The following DGKH variants were observed in gnomAD, a reference collection of about 807,000 sequenced individuals.
The protein encoded by DGKH is diacylglycerol kinase eta.
Under a neutral mutation model 159.3 loss-of-function variants are expected in DGKH, and 90 were observed. The ratio of observed to expected loss-of-function variants is 0.57; its 90% CI spans 0.48 to 0.67. The LOEUF is 0.67. DGKH is among the 30% of genes least tolerant of loss of function. DGKH has a pLI of 0.00. For missense variants in DGKH, 1,181 were observed against 1,506.1 expected, an observed-to-expected ratio of 0.78 and a Z score of 3.57; for synonymous variants, 536 against 553.8, an observed-to-expected ratio of 0.97 and a Z score of 0.45.
intron 9 of DGKH, among the ~76,000 whole-genome samples, chr13:42,167,738 G>A (rs144893869): frequency 1.3e-4 from 19 of 151,916 alleles, no homozygotes; most frequent in Non-Finnish European, 2.2e-4. Flanking sequence ...TTTCTAACAC[G>A]TCCATTTTAT....
chr13:42,151,160 A>G (rs1398904338), intron 3 of DGKH, among the ~76,000 whole-genome samples: 2 of 152,174 alleles, frequency 1.3e-5, no homozygotes, highest in Non-Finnish European at 2.9e-5. Flanking sequence ...TAGAGGGTAC[A>G]GGAGCAGCTT....
Position 42,070,284 on chromosome 13 carries a change from A to T in DGKH, c.192+21319A>T, listed in dbSNP as rs561205479. The T allele has an allele frequency of 3.2e-6, 4 of 1,242,586 alleles. No individual in the cohort carries two copies. In the South Asian group the frequency reaches 4.8e-5, roughly 15 times the overall value. 77.0% of individuals were successfully genotyped at this position (1,242,586 alleles called of 1,614,324 possible). The stretch of plus-strand genomic sequence containing the variant: ...AAGGTTTGTGTGGCTCAGTCATGTG[A>T]TTTCTAATGTAAACTGGAATTACGC... On this transcript the variant is annotated intron_variant, in intron 1 of 29. Transcript: ENST00000337343.
chr13:42,053,360 A>T (rs960084522), intron 1 of DGKH, among the ~76,000 whole-genome samples: 1 of 148,032 alleles, frequency 6.8e-6, no homozygotes, highest in African/African-American at 2.5e-5. Flanking sequence ...AATTATATAT[A>T]TAACTATATA....
intron 13 of DGKH, among the ~76,000 whole-genome samples, chr13:42,179,780 CAAA>C (rs3039209): frequency 3.1e-5 from 4 of 129,430 alleles, no homozygotes; most frequent in Admixed American, 7.7e-5. Flanking sequence ...GATCTTGTCT[CAAA>C]AAAAAAAAAA....
In DGKH at chr13:42,191,435, C is replaced by T. The variant is rs1350290390; in HGVS notation, c.2035+910C>T. On this transcript the variant is annotated intron_variant, in intron 16 of 29. Transcript: ENST00000337343. ...TTGATGATATCAATCATACCCCAAACCTCCGCATCACTCAATATACTCAGA... is the reference window on the plus strand; with the variant it reads ...TTGATGATATCAATCATACCCCAAATCTCCGCATCACTCAATATACTCAGA... Among the ~76,000 whole-genome samples the T allele has an allele frequency of 5.3e-5, 8 of 152,134 alleles. No individual in the cohort carries two copies. The East Asian group carries it at 5.8e-4, about 11-fold the overall frequency.
Position 42,187,077 on chromosome 13 carries a change from G to A in DGKH, c.1567G>A (p.Val523Ile), listed in dbSNP as rs764187776. 2.5e-5 allele frequency: 40 copies of A among 1,613,874 alleles called. No individual in the cohort carries two copies. The highest frequency in any genetic ancestry group is 8.3e-5 in the Admixed American group (5 of 59,992). ...KTLCETVKDF[V>I]AKVEKTYDKT... ...GCTATGTGAAACTGTAAAGGACTTC[G>A]TTGCCAAAGTAGAAAAGACGTATGA... Residue 523 changes from valine to isoleucine, a missense_variant, in exon 14 of 30, where the codon GTT becomes ATT. Val to Ile is a conservative substitution (Grantham distance 29). This residue lies in a region of DGKH where 257 missense variants were observed against 281.5 expected (regional missense o/e 0.91). Transcript: ENST00000337343.
intron 23 of DGKH, among the ~76,000 whole-genome samples, chr13:42,210,168 TTTTTTG>T (rs1444275703): frequency 7.2e-5 from 11 of 151,916 alleles, no homozygotes; most frequent in Non-Finnish European, 1.6e-4. Context: ...CATGAAATAT[TTTTTTG>T]TTTTTGTTTT....
At chr13:42,200,889 A>G (rs188400174) in intron 20 of DGKH, among the ~76,000 whole-genome samples, 19 of 152,330 alleles carry the variant, frequency 1.2e-4, no homozygotes, top group Non-Finnish European at 2.5e-4. Context: ...TGTAAATGCT[A>G]TCCTTGACAC....
intron 3 of DGKH, among the ~76,000 whole-genome samples, chr13:42,145,627 A>G (rs954799319): frequency 6.6e-6 from 1 of 152,216 alleles, no homozygotes; most frequent in Admixed American, 6.5e-5. Context: ...GGCCCTTGAC[A>G]TCAGGACTTG....
intron 3 of DGKH, among the ~76,000 whole-genome samples, chr13:42,142,046 T>C (rs1214264984): frequency 3.0e-4 from 46 of 151,794 alleles, no homozygotes; most frequent in Middle Eastern, 3.4e-3. Context: ...ATTTAAGTCT[T>C]TAATCCATCT....
At chr13:42,069,060 G>C in intron 1 of DGKH, 1 of 1,420,312 alleles carries the variant, frequency 7.0e-7, no homozygotes, top group Middle Eastern at 2.5e-4. Context: ...GAAACTGCGG[G>C]ATGCCTATTG....
chr13:42,063,114 A>G (rs2137671476), intron 1 of DGKH, among the ~76,000 whole-genome samples: 1 of 152,176 alleles, frequency 6.6e-6, no homozygotes, highest in East Asian at 1.9e-4. Context: ...TGTTGACTTC[A>G]TGGACCTTTG....
At position 42,048,863 on chromosome 13, in the gene DGKH, C is replaced by T; in HGVS notation, c.90C>T (p.Ala30=). 7.3e-7 allele frequency: 1 copy of T among 1,373,312 alleles called. No homozygotes were observed. The allele number at this position is 1,373,312 out of a possible 1,614,324, so 85.1% of individuals were successfully genotyped here. The change falls in exon 1 of 30, where the codon GCC becomes GCT. Residue 30 remains alanine, a synonymous_variant. Coordinates refer to ENST00000337343, the MANE Select transcript of DGKH (RefSeq NM_178009.5). The surrounding 1 kb of genome is among the most constrained non-coding windows in gnomAD (Gnocchi z 6.7). ...GAGAAVTSAA[A]SAGPGEDSSD... Reference sequence around the variant, plus strand: ...GCGCCGCGGTCACCTCCGCCGCTGCCTCGGCGGGGCCGGGAGAGGATTCGT... The same window carrying T: ...GCGCCGCGGTCACCTCCGCCGCTGCTTCGGCGGGGCCGGGAGAGGATTCGT...
upstream of DGKH, among the ~76,000 whole-genome samples, chr13:42,044,713 G>GA (rs1880708387): frequency 6.6e-6 from 1 of 152,186 alleles, no homozygotes; most frequent in Admixed American, 6.5e-5. Context: ...GCATTCTGGG[G>GA]AAGTCATTGG....
chr13:42,214,278 A>G (rs1957734273), intron 24 of DGKH, among the ~76,000 whole-genome samples: 1 of 152,120 alleles, frequency 6.6e-6, no homozygotes, highest in African/African-American at 2.4e-5. Context: ...TCTGATTTTT[A>G]AGCCTAATTT....
At chr13:42,141,396 A>T (rs1955556295) in intron 3 of DGKH, among the ~76,000 whole-genome samples, 1 of 152,154 alleles carries the variant, frequency 6.6e-6, no homozygotes, top group Non-Finnish European at 1.5e-5. Context: ...CATGATTTAT[A>T]GTCCTTTGGG....
At chr13:42,072,711 C>G (rs1482509994) in intron 1 of DGKH, among the ~76,000 whole-genome samples, 1 of 152,086 alleles carries the variant, frequency 6.6e-6, no homozygotes, top group East Asian at 1.9e-4. Flanking sequence ...TAATTAACAC[C>G]TTATAGAATG....
rs1956090191 is a variant in DGKH at position 42,158,130 on chromosome 13, C to T, written c.623-1136C>T. On this transcript the variant is annotated intron_variant, in intron 5 of 29. Coordinates refer to ENST00000337343, the MANE Select transcript of DGKH (RefSeq NM_178009.5). ...TTTGTACATAGACTAGTCATGATAC[C>T]TGAAGCACTTTGAACATTTGGCTAA... 1.3e-5 allele frequency among the ~76,000 whole-genome samples: 2 copies of T among 152,314 alleles called. 1 individual carries two copies. The highest frequency in any genetic ancestry group is 6.8e-3 in the Middle Eastern group (2 of 294).
chr13:42,056,375 G>A (rs1353869274), intron 1 of DGKH, among the ~76,000 whole-genome samples: 1 of 152,052 alleles, frequency 6.6e-6, no homozygotes, highest in Admixed American at 6.5e-5. Context: ...CCTTCTCACT[G>A]TGTCATTTGA....
Sources: allele counts gnomAD v4.1 joint callset (sites outside exome capture counted in the v4.1 genomes callset), GRCh38; gene constraint gnomAD v4.1.1; regional missense constraint gnomAD v4.1.1; non-coding constraint Gnocchi (gnomAD v3.1); transcripts MANE v1.5; gene names NCBI Gene and HGNC (gene_info 2026-07-23, HGNC 2026-07-21).